SYNE1: variants seen among roughly 807,000 people sequenced by gnomAD.
SYNE1 encodes nesprin-1.
Under a neutral mutation model 1,111.0 loss-of-function variants are expected in SYNE1, and 616 were observed. The ratio of observed to expected loss-of-function variants is 0.55; its 90% CI spans 0.52 to 0.59. The LOEUF is 0.59. Among genes scored for constraint, SYNE1 ranks in the 20% least tolerant of loss-of-function variants. The probability of loss-of-function intolerance (pLI) is 0.00; values close to 1 mark genes in which losing one functional copy is unlikely to be tolerated. For synonymous variants in SYNE1, 3,855 were observed against 3,825.8 expected (o/e 1.01, Z -0.28); for missense variants, 10,006 against 10,417.0 (o/e 0.96, Z 1.72).
chr6:152,335,923 G>C (rs1410067829), intron 76 of SYNE1: 2 of 152,020 alleles, frequency 1.3e-5, no homozygotes, highest in Non-Finnish European at 2.9e-5. Context: ...CTGGCCTCAA[G>C]TGATCTGCCC....
At chr6:152,431,387 G>A (rs1389745543) in intron 34 of SYNE1, among the ~76,000 whole-genome samples, 1 of 152,112 alleles carries the variant, frequency 6.6e-6, no homozygotes, top group African/African-American at 2.4e-5. Flanking sequence ...CTATGTACTT[G>A]ACAGAGAAAA....
rs373901808 is a variant in SYNE1, at chr6:152,483,129, C to T, written c.1306G>A (p.Glu436Lys). The change falls in exon 14 of 146, where the codon GAG becomes AAG. Residue 436 changes from glutamate to lysine, a missense_variant. By Grantham distance (56) the Glu-to-Lys change is moderately conservative (BLOSUM62 1). Coordinates refer to ENST00000367255, the MANE Select transcript of SYNE1 (RefSeq NM_182961.4). ...REEITVQQVH[E>K]ETANTIQRKL... ...CGTTGTATCGTGTTTGCTGTTTCCT[C>T]GTGGACCTGTTGAACGGTTATTTCC... 19 of 1,614,074 alleles carry T rather than the reference C, an allele frequency of 1.2e-5. No individual in the cohort carries two copies. Among genetic ancestry groups the T allele is most frequent in the African/African-American group, 4.0e-5 (3 of 74,936 alleles).
chr6:152,430,816 A>G, intron 34 of SYNE1, 107 bp from the exon 35 acceptor site: 4 of 1,110,832 alleles, frequency 3.6e-6, no homozygotes, highest in Non-Finnish European at 5.4e-6. Context: ...TGATATTTGA[A>G]GACTTGGATG....
chr6:152,218,185 C>T, intron 121 of SYNE1, 72 bp downstream of exon 121: 5 of 1,551,184 alleles, frequency 3.2e-6, no homozygotes, highest in Non-Finnish European at 4.4e-6. Context: ...GAGTGAGACT[C>T]CATCTCAAAA....
In SYNE1 at chr6:152,455,444, C is replaced by A. The variant is rs771478052; in HGVS notation, c.2874G>T (p.Glu958Asp). The change falls in exon 24 of 146, where the codon GAG becomes GAT. Residue 958 changes from glutamate to aspartate, a missense_variant. Physicochemically the swap from Glu to Asp is conservative, Grantham distance 45 (BLOSUM62 2). This residue lies in a region of SYNE1 where 1,971 missense variants were observed against 2,084.1 expected (regional missense o/e 0.95). Coordinates refer to ENST00000367255, the MANE Select transcript of SYNE1 (RefSeq NM_182961.4). ...EGLEEKGDPE[E>D]LLRRHTEFFS... ...GACTCACAGTGTGTCTCCGCAGGAG[C>A]TCCTCTGGATCCCCCTTTTCCTCCA... 32 of 1,614,064 alleles carry A rather than the reference C, an allele frequency of 2.0e-5. No homozygotes were observed. Among genetic ancestry groups the A allele is most frequent in the Non-Finnish European group, 2.5e-5 (29 of 1,179,950 alleles).
At chr6:152,575,453 T>G (rs1381100919) in intron 3 of SYNE1, among the ~76,000 whole-genome samples, 2 of 152,220 alleles carry the variant, frequency 1.3e-5, no homozygotes, top group Non-Finnish European at 2.9e-5. Context: ...ACTCCTCATG[T>G]CATTCTTATC....
At chr6:152,453,380 T>G in intron 25 of SYNE1, 1 of 709,226 alleles carries the variant, frequency 1.4e-6, no homozygotes, top group Non-Finnish European at 2.3e-6. Context: ...AGGATAAAAT[T>G]GATGCTGATA....
rs571205978 is a variant in SYNE1 at position 152,299,180 on chromosome 6, T to C, written c.17682+1461A>G. 5.9e-5 allele frequency among the ~76,000 whole-genome samples: 9 copies of C among 152,312 alleles called. No individual in the cohort carries two copies. The South Asian group carries it at 1.9e-3, about 32-fold the overall frequency. ...TACAGTTTTAGAAAAGGTATATTTT[T>C]TCCACAAAGTCTCAAATAAGTATTT... is the stretch of plus-strand genomic sequence containing the variant. On this transcript the variant is annotated intron_variant, in intron 93 of 145. Coordinates refer to ENST00000367255, the MANE Select transcript of SYNE1 (RefSeq NM_182961.4).
At chr6:152,585,770 T>A (rs1389760691) in intron 3 of SYNE1, among the ~76,000 whole-genome samples, 1 of 152,220 alleles carries the variant, frequency 6.6e-6, no homozygotes, top group Non-Finnish European at 1.5e-5. Flanking sequence ...TTTAAAATAG[T>A]TCTATGGTTT....
rs66815986 is a variant in SYNE1 at position 152,628,044 on chromosome 6, C to CAAAA, written c.67+217_67+220dup. On this transcript the variant is annotated intron_variant, in intron 3 of 145. Coordinates refer to ENST00000367255, the MANE Select transcript of SYNE1 (RefSeq NM_182961.4). ...ACATGCTAATGCAGACACAAAATTA[C>CAAAA]AAAAAAAAAAAAAAAAGCTGTATTT... Among the ~76,000 whole-genome samples, 62 of 103,382 alleles carry CAAAA rather than the reference C, an allele frequency of 6.0e-4. 3 individuals are homozygous for CAAAA. Among genetic ancestry groups the CAAAA allele is most frequent in the Middle Eastern group, 6.9e-3 (1 of 144 alleles). The allele number at this position is 103,382 out of a possible 152,430, so 67.8% of individuals were successfully genotyped here.
At chr6:152,562,807 T>A (rs192386976) in intron 3 of SYNE1, among the ~76,000 whole-genome samples, 3 of 152,150 alleles carry the variant, frequency 2.0e-5, no homozygotes, top group East Asian at 1.9e-4. Context: ...ATATATTTTT[T>A]TAAAAAACTC....
intron 3 of SYNE1, among the ~76,000 whole-genome samples, chr6:152,590,819 T>A (rs574488145): frequency 1.3e-5 from 2 of 152,330 alleles, no homozygotes; most frequent in East Asian, 3.9e-4. Flanking sequence ...ATTAAAAATA[T>A]CAAGTTCTGG....
At chr6:152,581,161 A>T (rs2099517999) in intron 3 of SYNE1, among the ~76,000 whole-genome samples, 1 of 152,216 alleles carries the variant, frequency 6.6e-6, no homozygotes, top group African/African-American at 2.4e-5. Context: ...TCAACATAGC[A>T]CTGACAGCTC....
At chr6:152,560,402 T>C (rs554261566) in intron 3 of SYNE1, among the ~76,000 whole-genome samples, 8 of 151,440 alleles carry the variant, frequency 5.3e-5, no homozygotes, top group Middle Eastern at 3.4e-3. Context: ...AAATAGAAAA[T>C]CTGAGCAGGC....
intron 3 of SYNE1, among the ~76,000 whole-genome samples, chr6:152,552,260 T>A (rs2099349727): frequency 6.6e-6 from 1 of 152,126 alleles, no homozygotes; most frequent in Non-Finnish European, 1.5e-5. Flanking sequence ...TTTCAAAGTT[T>A]GGTCGTTGCT....
chr6:152,133,521 G>A (rs751343627), intron 142 of SYNE1, 33 bp from the exon 143 acceptor site: 2 of 1,605,800 alleles, frequency 1.2e-6, no homozygotes. Context: ...ATTTTTCTAA[G>A]CATTTTTGAT....
chr6:152,550,241 A>C (rs2099334426), intron 3 of SYNE1, among the ~76,000 whole-genome samples: 1 of 150,854 alleles, frequency 6.6e-6, no homozygotes, highest in Non-Finnish European at 1.5e-5. Context: ...ATGTCATTCA[A>C]ATCTGGAAAG....
chr6:152,473,937 G>A (rs147494508), intron 14 of SYNE1, among the ~76,000 whole-genome samples: 91 of 152,206 alleles, frequency 6.0e-4, no homozygotes, highest in East Asian at 1.2e-3. Context: ...TGTAATCCCC[G>A]CACTTTGGGT....
chr6:152,216,043 A>G (rs923653870), intron 121 of SYNE1, among the ~76,000 whole-genome samples: 20 of 152,134 alleles, frequency 1.3e-4, no homozygotes, highest in Non-Finnish European at 5.9e-5. Flanking sequence ...TGATTTTCCC[A>G]TGGGTATCCT....
Sources: allele counts gnomAD v4.1 joint callset (sites outside exome capture counted in the v4.1 genomes callset), GRCh38; gene constraint gnomAD v4.1.1; regional missense constraint gnomAD v4.1.1; transcripts MANE v1.5; gene names NCBI Gene and HGNC (gene_info 2026-07-23, HGNC 2026-07-21).